GLCE: variants seen among roughly 807,000 people sequenced by gnomAD.
GLCE encodes D-glucuronyl C5-epimerase.
In GLCE, 19 loss-of-function variants were observed where a neutral mutation model predicts 47.9. That is an observed-to-expected ratio of 0.40 (90% CI 0.28 to 0.58). GLCE has a LOEUF of 0.58. Ranked by LOEUF, GLCE falls within the 20% of genes least tolerant of loss-of-function variation. The pLI is 0.48. For synonymous variants in GLCE, 245 were observed against 263.4 expected, an observed-to-expected ratio of 0.93 and a Z score of 0.68; for missense variants, 556 against 743.3, an observed-to-expected ratio of 0.75 and a Z score of 2.93.
chr15:69,212,245 G>A (rs569622194), intron 2 of GLCE, among the ~76,000 whole-genome samples: 2 of 151,928 alleles, frequency 1.3e-5, no homozygotes, highest in African/African-American at 4.8e-5. Flanking sequence ...TTAAATGATG[G>A]ATGATATAAG....
chr15:69,226,316 A>G lies in GLCE; in HGVS notation c.-14+15910A>G, dbSNP rs1450273015. On this transcript the variant is annotated intron_variant, in intron 2 of 4. Coordinates refer to ENST00000261858, the MANE Select transcript of GLCE (RefSeq NM_015554.3). ...GCTGTTGTTGGAAGTGTTAGGTTAG[A>G]TAGAATTCTGAGTACTTTATTAAGT... Among the ~76,000 whole-genome samples the G allele has an allele frequency of 2.0e-5, 3 of 152,216 alleles. No homozygotes were observed. The East Asian group carries it at 5.8e-4, about 29-fold the overall frequency.
intron 1 of GLCE, among the ~76,000 whole-genome samples, chr15:69,204,230 G>A (rs990041787): frequency 6.0e-5 from 9 of 149,704 alleles, no homozygotes; most frequent in Admixed American, 4.0e-4. Flanking sequence ...CAAATAAAGC[G>A]ACTATTTTTT....
At chr15:69,185,910 G>A (rs974434474) in intron 1 of GLCE, among the ~76,000 whole-genome samples, 2 of 152,172 alleles carry the variant, frequency 1.3e-5, no homozygotes, top group Non-Finnish European at 2.9e-5. Context: ...GTTTCAAGTT[G>A]GGTTCCTCTT....
chr15:69,212,192 G>T (rs116309806), intron 2 of GLCE, among the ~76,000 whole-genome samples: 1,757 of 151,836 alleles, frequency 0.012, 27 homozygotes, highest in African/African-American at 0.038. Context: ...CTAAGACTTA[G>T]GAATAAAATA....
At chr15:69,200,980 A>G (rs1375178609) in intron 1 of GLCE, among the ~76,000 whole-genome samples, 3 of 152,096 alleles carry the variant, frequency 2.0e-5, no homozygotes, top group East Asian at 1.9e-4. Context: ...TCTAGCACCT[A>G]CATTCCACCC....
chr15:69,257,760 A>G (rs1277137629), intron 3 of GLCE, among the ~76,000 whole-genome samples: 1 of 151,988 alleles, frequency 6.6e-6, no homozygotes, highest in Non-Finnish European at 1.5e-5. Flanking sequence ...GTACTTAGAC[A>G]TATGTTTTAG....
At chr15:69,211,650 T>C (rs116638836) in intron 2 of GLCE, among the ~76,000 whole-genome samples, 2,727 of 151,948 alleles carry the variant, frequency 0.018, 65 homozygotes, top group African/African-American at 0.048. Flanking sequence ...AAAAAAAAAG[T>C]ATATTTTAAA....
Position 69,268,878 on chromosome 15 carries a change from G to A in GLCE, c.1488G>A (p.Trp496Ter). Residue 496 changes from tryptophan (W) to a stop codon, truncating the protein, a stop_gained, in exon 5 of 5, where the codon TGG becomes TGA. Transcript: ENST00000261858. LOFTEE classifies it high-confidence loss of function. The stretch of plus-strand genomic sequence containing the variant: ...CTGTGTTTATGAATAAACATGACTG[G>A]TATGAAGAATATCCAACCACACCTA... ...VKAVFMNKHD[W>*]YEEYPTTPSS... 6.2e-7 allele frequency: 1 copy of A among 1,614,022 alleles called. No individual in the cohort carries two copies. The highest frequency in any genetic ancestry group is 1.1e-5 in the South Asian group (1 of 91,086).
chr15:69,180,612 A>T (rs1236377450), intron 1 of GLCE, among the ~76,000 whole-genome samples: 1 of 152,160 alleles, frequency 6.6e-6, no homozygotes, highest in Non-Finnish European at 1.5e-5. Flanking sequence ...AGCAAATGCC[A>T]AGTCTCTGAG....
At chr15:69,161,922 C>T (rs1546259) in intron 1 of GLCE, among the ~76,000 whole-genome samples, 77,456 of 151,578 alleles carry the variant, frequency 0.51, 23,310 homozygotes, top group Non-Finnish European at 0.65. Flanking sequence ...CTGATTTTGG[C>T]TTGCTTTCCT....
At chr15:69,258,503 A>G (rs934592879) in intron 3 of GLCE, among the ~76,000 whole-genome samples, 2 of 152,192 alleles carry the variant, frequency 1.3e-5, no homozygotes, top group African/African-American at 4.8e-5. Context: ...ATGCCATGAT[A>G]TATGTAATGT....
intron 1 of GLCE, among the ~76,000 whole-genome samples, chr15:69,166,645 C>T (rs943921679): frequency 6.6e-6 from 1 of 152,248 alleles, no homozygotes; most frequent in Non-Finnish European, 1.5e-5. Context: ...CGAGGCCAGG[C>T]GCGGTGGCTT....
At chr15:69,238,398 A>G in intron 2 of GLCE, among the ~76,000 whole-genome samples, 1 of 152,042 alleles carries the variant, frequency 6.6e-6, no homozygotes, top group East Asian at 1.9e-4. Context: ...GTTAAGAACT[A>G]CTCAGTTTCT....
chr15:69,184,921 T>C (rs1386930329), intron 1 of GLCE, among the ~76,000 whole-genome samples: 1 of 152,190 alleles, frequency 6.6e-6, no homozygotes, highest in Admixed American at 6.5e-5. Context: ...CTCTTCTACC[T>C]CTTCTCCTAT....
intron 1 of GLCE, among the ~76,000 whole-genome samples, chr15:69,161,356 T>G (rs1431701419): frequency 2.6e-5 from 4 of 151,264 alleles, no homozygotes; most frequent in African/African-American, 9.7e-5. Context: ...GAGAGAGCGA[T>G]GTATCCGTTC....
chr15:69,227,312 A>G (rs1467270882), intron 2 of GLCE, among the ~76,000 whole-genome samples: 3 of 151,782 alleles, frequency 2.0e-5, no homozygotes, highest in African/African-American at 7.3e-5. Context: ...ATCATTAGAG[A>G]CCCCTATTTG....
At chr15:69,194,140 G>T (rs1394631413) in intron 1 of GLCE, among the ~76,000 whole-genome samples, 1 of 152,080 alleles carries the variant, frequency 6.6e-6, no homozygotes, top group Non-Finnish European at 1.5e-5. Context: ...CCCTACCTAG[G>T]CCAGATTCCA....
rs1489547046 is a variant in GLCE at position 69,231,813 on chromosome 15, G to A, written c.-14+21407G>A. ...TGTTTTGTTTTGTTTTTTCTGAGAC[G>A]GAGTATTTCCCTGTCACTACTCAGG... On this transcript the variant is annotated intron_variant, in intron 2 of 4. Coordinates refer to ENST00000261858, the MANE Select transcript of GLCE (RefSeq NM_015554.3). Among the ~76,000 whole-genome samples the A allele has an allele frequency of 4.0e-5, 6 of 151,806 alleles. No individual in the cohort carries two copies. The South Asian group carries it at 6.2e-4, about 16-fold the overall frequency.
chr15:69,173,489 A>C (rs2051616832), intron 1 of GLCE, among the ~76,000 whole-genome samples: 2 of 152,210 alleles, frequency 1.3e-5, no homozygotes, highest in South Asian at 4.1e-4. Flanking sequence ...GGAACTAGGA[A>C]CAATGAATGA....
Sources: allele counts gnomAD v4.1 joint callset (sites outside exome capture counted in the v4.1 genomes callset), GRCh38; gene constraint gnomAD v4.1.1; transcripts MANE v1.5; gene names NCBI Gene and HGNC (gene_info 2026-07-23, HGNC 2026-07-21).